The following BABAM2 variants were observed in gnomAD, a reference collection of about 807,000 sequenced individuals.
BABAM2 encodes BRISC and BRCA1 A complex member 2.
BABAM2 carries 31 observed loss-of-function variants against 54.7 expected under a neutral mutation model. The observed-to-expected ratio is 0.57, with a 90% confidence interval of 0.43 to 0.77. The LOEUF is 0.77. BABAM2 is among the 30% of genes least tolerant of loss of function. The probability of loss-of-function intolerance (pLI) is 0.00; values close to 1 mark genes in which losing one functional copy is unlikely to be tolerated. For synonymous variants in BABAM2, 167 were observed against 162.9 expected (o/e 1.03, Z -0.19); for missense variants, 364 against 455.8 (o/e 0.80, Z 1.83).
chr2:28,215,635 T>A (rs1237794244), intron 7 of BABAM2, among the ~76,000 whole-genome samples: 1 of 139,610 alleles, frequency 7.2e-6, no homozygotes, highest in East Asian at 2.1e-4. Flanking sequence ...CTTTGGTTTT[T>A]ACCCTTCCAC....
At chr2:27,915,757 C>A (rs1330070969) in intron 2 of BABAM2, among the ~76,000 whole-genome samples, 1 of 151,952 alleles carries the variant, frequency 6.6e-6, no homozygotes, top group African/African-American at 2.4e-5. Flanking sequence ...TCTATTAATT[C>A]TTCCTTTTCC....
intron 6 of BABAM2, among the ~76,000 whole-genome samples, chr2:28,088,906 T>G (rs1036293744): frequency 6.6e-5 from 10 of 152,186 alleles, no homozygotes; most frequent in African/African-American, 2.4e-4. Flanking sequence ...TGTGTGTACC[T>G]GCCTTGATGT....
At chr2:28,223,461 G>A (rs930436547) in intron 7 of BABAM2, among the ~76,000 whole-genome samples, 4 of 152,196 alleles carry the variant, frequency 2.6e-5, no homozygotes, top group Non-Finnish European at 5.9e-5. Flanking sequence ...GGAGGAGAGA[G>A]GGTCCTTACA....
At chr2:28,270,764 G>C (rs937271285) in intron 10 of BABAM2, among the ~76,000 whole-genome samples, 1 of 152,194 alleles carries the variant, frequency 6.6e-6, no homozygotes, top group African/African-American at 2.4e-5. Context: ...TAAAAGTCAT[G>C]ATTGCCGTTC....
intron 7 of BABAM2, among the ~76,000 whole-genome samples, chr2:28,226,335 T>C (rs954854754): frequency 1.3e-5 from 2 of 152,220 alleles, no homozygotes; most frequent in Non-Finnish European, 2.9e-5. Context: ...CATAAAGATA[T>C]ATACATTTAT....
chr2:28,195,387 C>A (rs865817666), intron 7 of BABAM2, among the ~76,000 whole-genome samples: 1 of 152,136 alleles, frequency 6.6e-6, no homozygotes, highest in Non-Finnish European at 1.5e-5. Flanking sequence ...AAAATCTTTA[C>A]ATAATTTCCC....
In BABAM2 at chr2:28,112,147, T is replaced by TTCTTTCTTTCCTTCCC. The variant is rs1558346715; in HGVS notation, c.571-17123_571-17122insCTTTCTTTCCTTCCCT. ...TTTCTTTCTTTCTTTCTTTCTTTCT[T>TTCTTTCTTTCCTTCCC]TACCTCCCTCCCTCCCTCCCTCCCT... On this transcript the variant is annotated intron_variant, in intron 6 of 11. Coordinates refer to ENST00000379624, the MANE Select transcript of BABAM2 (RefSeq NM_199191.3). Among the ~76,000 whole-genome samples, 20 of 5,248 alleles carry TTCTTTCTTTCCTTCCC rather than the reference T, an allele frequency of 3.8e-3. 5 individuals are homozygous for TTCTTTCTTTCCTTCCC. Among genetic ancestry groups the TTCTTTCTTTCCTTCCC allele is most frequent in the Non-Finnish European group, 5.7e-3 (18 of 3,156 alleles). The allele number at this position is 5,248 out of a possible 152,430, so 3.4% of individuals were successfully genotyped here. A position where few individuals can be genotyped will look rare whatever the true frequency, so the allele number is the denominator to read the frequency against.
At chr2:28,199,009 G>A (rs1336061219) in intron 7 of BABAM2, among the ~76,000 whole-genome samples, 2 of 152,188 alleles carry the variant, frequency 1.3e-5, no homozygotes, top group East Asian at 3.9e-4. Context: ...ATTTACCTAA[G>A]ATTATTAGAA....
chr2:28,031,792 G>A (rs1342210481), intron 5 of BABAM2, among the ~76,000 whole-genome samples: 2 of 152,156 alleles, frequency 1.3e-5, no homozygotes, highest in Non-Finnish European at 2.9e-5. Flanking sequence ...GAAGGAAGGT[G>A]GACGTAGATG....
intron 3 of BABAM2, among the ~76,000 whole-genome samples, chr2:27,960,004 G>A (rs1235939866): frequency 6.6e-6 from 1 of 151,746 alleles, no homozygotes; most frequent in African/African-American, 2.4e-5. Flanking sequence ...TAATTTTTCA[G>A]CATCTTAATT....
intron 3 of BABAM2, among the ~76,000 whole-genome samples, chr2:27,973,692 T>C (rs1671389171): frequency 6.6e-6 from 1 of 152,118 alleles, no homozygotes; most frequent in Admixed American, 6.6e-5. Context: ...GATCCTTTAA[T>C]CTGTGTGTGA....
chr2:28,034,173 T>G (rs748107594), intron 5 of BABAM2, among the ~76,000 whole-genome samples: 33 of 152,270 alleles, frequency 2.2e-4, no homozygotes, highest in Middle Eastern at 3.4e-3. Flanking sequence ...TGAGCAATGT[T>G]TGAGTGTGAG....
At chr2:28,069,246 T>C (rs1388940544) in intron 6 of BABAM2, among the ~76,000 whole-genome samples, 1 of 152,250 alleles carries the variant, frequency 6.6e-6, no homozygotes, top group African/African-American at 2.4e-5. Flanking sequence ...TTTACTTACT[T>C]GGTATTAGGA....
chr2:28,131,755 A>C (rs976210798), intron 7 of BABAM2, among the ~76,000 whole-genome samples: 2 of 152,160 alleles, frequency 1.3e-5, no homozygotes, highest in African/African-American at 4.8e-5. Context: ...TGGGGCAGAA[A>C]AGGAGAGGAT....
At chr2:27,987,642 C>T (rs1326203841) in intron 3 of BABAM2, among the ~76,000 whole-genome samples, 1 of 151,742 alleles carries the variant, frequency 6.6e-6, no homozygotes, top group African/African-American at 2.4e-5. Context: ...TGGCGAAACC[C>T]CATCTCTAAT....
chr2:28,231,785 C>CTTTTT (rs549515372), intron 7 of BABAM2, among the ~76,000 whole-genome samples: 1 of 57,678 alleles, frequency 1.7e-5, no homozygotes, highest in African/African-American at 6.3e-5. Flanking sequence ...AGAGAGATGT[C>CTTTTT]TTTTTTTTTT....
chr2:28,226,582 C>T (rs1009710839), intron 7 of BABAM2, among the ~76,000 whole-genome samples: 4 of 152,042 alleles, frequency 2.6e-5, no homozygotes, highest in East Asian at 1.9e-4. Flanking sequence ...TCTTATGCCA[C>T]GGAGAAAACG....
chr2:28,070,846 A>G (rs561830012), intron 6 of BABAM2, among the ~76,000 whole-genome samples: 4 of 152,308 alleles, frequency 2.6e-5, no homozygotes, highest in Admixed American at 6.5e-5. Flanking sequence ...AAGTAAAGTT[A>G]CACTCAAGAT....
intron 4 of BABAM2, among the ~76,000 whole-genome samples, chr2:28,010,029 A>C (rs1674277877): frequency 6.6e-6 from 1 of 152,202 alleles, no homozygotes; most frequent in South Asian, 2.1e-4. Flanking sequence ...GTGCTAAAGA[A>C]GGACTGGGGT....
Sources: allele counts gnomAD v4.1 joint callset (sites outside exome capture counted in the v4.1 genomes callset), GRCh38; gene constraint gnomAD v4.1.1; transcripts MANE v1.5; gene names NCBI Gene and HGNC (gene_info 2026-07-23, HGNC 2026-07-21).